Variants in TMCC3 observed in about 807,000 individuals in gnomAD.
TMCC3 encodes the protein transmembrane and coiled-coil domain protein 3.
Under a neutral mutation model 40.2 loss-of-function variants are expected in TMCC3, and 28 were observed. The observed-to-expected ratio is 0.70, with a 90% CI of 0.52 to 0.95. The LOEUF is 0.95. Among genes scored for constraint, TMCC3 ranks in the 40% least tolerant of loss-of-function variants. The pLI is 0.00. For missense variants in TMCC3, 554 were observed against 615.2 expected (o/e 0.90, Z 1.05); for synonymous variants, 255 against 248.5 (o/e 1.03, Z -0.25).
intron 1 of TMCC3, among the ~76,000 whole-genome samples, chr12:94,632,837 A>G (rs1348030677): frequency 6.6e-6 from 1 of 152,216 alleles, no homozygotes; most frequent in Non-Finnish European, 1.5e-5. Context: ...CTGTAATTAC[A>G]AGGCTGGGCA....
At chr12:94,598,864 A>G in intron 1 of TMCC3, 1 of 755,714 alleles carries the variant, frequency 1.3e-6, no homozygotes, top group Middle Eastern at 6.8e-4. Flanking sequence ...ACACTGTATC[A>G]TGACCCTTCT....
chr12:94,576,645 T>A (rs1307020223), intron 3 of TMCC3, among the ~76,000 whole-genome samples: 2 of 151,866 alleles, frequency 1.3e-5, no homozygotes, highest in African/African-American at 4.8e-5. Flanking sequence ...CCAGCTAATT[T>A]AAAAAAAAGT....
intron 3 of TMCC3, among the ~76,000 whole-genome samples, chr12:94,572,454 G>A (rs923254484): frequency 2.0e-5 from 3 of 151,722 alleles, no homozygotes; most frequent in African/African-American, 7.3e-5. Context: ...GGGATTACAG[G>A]TGCACGCCAC....
At chr12:94,574,786 T>C (rs371110789) in intron 3 of TMCC3, among the ~76,000 whole-genome samples, 2 of 152,240 alleles carry the variant, frequency 1.3e-5, no homozygotes, top group East Asian at 1.9e-4. Context: ...TCCTCTATTT[T>C]AGGCATAACA....
At chr12:94,590,830 G>C (rs1055564337) in intron 1 of TMCC3, 3 of 514,990 alleles carry the variant, frequency 5.8e-6, no homozygotes, top group Non-Finnish European at 1.1e-5. Flanking sequence ...CATGGGGGAC[G>C]ATGTGCACCC....
intron 1 of TMCC3, among the ~76,000 whole-genome samples, chr12:94,612,134 G>C (rs1405124307): frequency 6.6e-6 from 1 of 152,036 alleles, no homozygotes; most frequent in Non-Finnish European, 1.5e-5. Context: ...GAGTATCTGG[G>C]ACTACAGGTG....
intron 1 of TMCC3, among the ~76,000 whole-genome samples, chr12:94,619,523 A>ATAGC: frequency 6.6e-6 from 1 of 152,304 alleles, no homozygotes; most frequent in South Asian, 2.1e-4. Context: ...GTAGACATGG[A>ATAGC]TAGCTGCCTG....
intron 1 of TMCC3, among the ~76,000 whole-genome samples, chr12:94,626,463 C>T (rs61936687): frequency 0.011 from 1,629 of 152,242 alleles, 19 homozygotes; most frequent in Non-Finnish European, 0.018. Context: ...GTAGCCAAGG[C>T]CTTACAAATC....
At chr12:94,611,309 A>G (rs1265530427) in intron 1 of TMCC3, among the ~76,000 whole-genome samples, 1 of 152,224 alleles carries the variant, frequency 6.6e-6, no homozygotes, top group Non-Finnish European at 1.5e-5. Context: ...AGTCATAAAT[A>G]TAAGTTTTCA....
intron 1 of TMCC3, among the ~76,000 whole-genome samples, chr12:94,644,768 A>C (rs187933682): frequency 6.6e-6 from 1 of 152,264 alleles, no homozygotes; most frequent in African/African-American, 2.4e-5. Flanking sequence ...CACTCCCCCT[A>C]TTTCCTGCCC....
At chr12:94,593,434 GAGAAGGAGAAGGAGAAGGAGAAGAAGA>G (rs2068695002) in intron 1 of TMCC3, among the ~76,000 whole-genome samples, 1 of 22,504 alleles carries the variant, frequency 4.4e-5, no homozygotes, top group Non-Finnish European at 1.0e-4. Flanking sequence ...GAAGAAGAAG[GAGAAGGAGAAGGAGAAGGAGAAGAAGA>G]AGAAGAAGAA....
In TMCC3 at chr12:94,613,207, T is replaced by C. The variant is rs1007870518; in HGVS notation, c.79-30669A>G. The stretch of plus-strand genomic sequence containing the variant: ...GGCCAGGCACAATGGCTCCCACCTG[T>C]AATCCCAGCACTTTGGGAGGCCGAG... On this transcript the variant is annotated intron_variant, in intron 1 of 3. Coordinates refer to ENST00000261226, the MANE Select transcript of TMCC3 (RefSeq NM_020698.4). 2.6e-5 allele frequency among the ~76,000 whole-genome samples: 4 copies of C among 152,098 alleles called. No homozygotes were observed. In the East Asian group the frequency reaches 7.7e-4, roughly 29 times the overall value.
At position 94,587,157 on chromosome 12, in the gene TMCC3, G is replaced by C. The variant is rs2068643128; in HGVS notation, c.79-4619C>G. ...GACCCTATACAATACACTATACATTGCAGCTTGGTTTCAGGGTTAGGACGC... is the reference window on the plus strand; with the variant it reads ...GACCCTATACAATACACTATACATTCCAGCTTGGTTTCAGGGTTAGGACGC... On this transcript the variant is annotated intron_variant, in intron 1 of 3. Transcript: ENST00000261226. 2.6e-5 allele frequency among the ~76,000 whole-genome samples: 4 copies of C among 152,320 alleles called. No homozygotes were observed. The South Asian group carries it at 8.3e-4, about 32-fold the overall frequency.
At chr12:94,590,260 ATTTTTTTT>A (rs72186655) in intron 1 of TMCC3, among the ~76,000 whole-genome samples, 5 of 85,362 alleles carry the variant, frequency 5.9e-5, no homozygotes, top group East Asian at 3.3e-4. Flanking sequence ...CGCCCTGCTA[ATTTTTTTT>A]TTTTTTTTTT....
intron 1 of TMCC3, among the ~76,000 whole-genome samples, chr12:94,587,019 C>A (rs1265676390): frequency 1.3e-5 from 2 of 152,250 alleles, no homozygotes; most frequent in Non-Finnish European, 2.9e-5. Context: ...GAGACAGCTA[C>A]ACCTATCATT....
In TMCC3 at chr12:94,571,630, C is replaced by A. The variant is rs2068529085; in HGVS notation, c.1239G>T (p.Arg413Ser). The change falls in exon 4 of 4, where the codon AGG becomes AGT. Residue 413 changes from arginine (R) to serine (S), a missense_variant. By Grantham distance (110) the Arg-to-Ser change is moderately radical. Coordinates refer to ENST00000261226, the MANE Select transcript of TMCC3 (RefSeq NM_020698.4). The part of the protein sequence containing the change: ...DTVNAKVLLG[R>S]CINVILAFMT... ...TGAAGGCCAGGATCACGTTGATGCACCTCCCCAGGAGAACTTTAGCATTCA... is the reference window on the plus strand; with the variant it reads ...TGAAGGCCAGGATCACGTTGATGCAACTCCCCAGGAGAACTTTAGCATTCA... 1.2e-6 allele frequency: 2 copies of A among 1,614,212 alleles called. No individual in the cohort carries two copies. The highest frequency in any genetic ancestry group is 4.5e-5 in the East Asian group (2 of 44,884).
At chr12:94,646,263 G>T (rs544194825) in intron 1 of TMCC3, among the ~76,000 whole-genome samples, 84 of 152,134 alleles carry the variant, frequency 5.5e-4, no homozygotes, top group Non-Finnish European at 9.0e-4. Flanking sequence ...TAGAGAGATG[G>T]GGGAGGGCAG....
rs1467963180 is a variant in TMCC3 at position 94,571,660 on chromosome 12, G to A, written c.1209C>T (p.Asp403=). The A allele has an allele frequency of 1.2e-6, 2 of 1,614,242 alleles. No homozygotes were observed. The highest frequency in any genetic ancestry group is 1.7e-6 in the Non-Finnish European group (2 of 1,180,048). ...CCAGGAGAACTTTAGCATTCACGGT[G>A]TCTGTCTGCAGAGCTTGCTGCTCTT... is the stretch of plus-strand genomic sequence containing the variant. The part of the protein sequence containing the change: ...HQQEQQALQT[D]TVNAKVLLGR... The change falls in exon 4 of 4, where the codon GAC becomes GAT. Residue 403 remains aspartate (D), a synonymous_variant. Transcript: ENST00000261226.
At chr12:94,576,444 G>C (rs573120664) in intron 3 of TMCC3, among the ~76,000 whole-genome samples, 1 of 152,296 alleles carries the variant, frequency 6.6e-6, no homozygotes, top group African/African-American at 2.4e-5. Flanking sequence ...ACTGTCCACA[G>C]AGAAAATTCA....
Sources: allele counts gnomAD v4.1 joint callset (sites outside exome capture counted in the v4.1 genomes callset), GRCh38; gene constraint gnomAD v4.1.1; transcripts MANE v1.5; gene names NCBI Gene and HGNC (gene_info 2026-07-23, HGNC 2026-07-21).